EFCAB8: variants seen among roughly 807,000 people sequenced by gnomAD.
EFCAB8 encodes the protein EF-hand calcium-binding domain-containing protein 8.
A neutral mutation model predicts 116.3 loss-of-function variants in EFCAB8; 100 were observed. That is an observed-to-expected ratio of 0.86 (90% CI 0.73 to 1.02). EFCAB8 has a LOEUF of 1.02. Ranked by LOEUF, EFCAB8 falls within the 50% of genes least tolerant of loss-of-function variation. The probability of loss-of-function intolerance (pLI) is 0.00; values close to 1 mark genes in which losing one functional copy is unlikely to be tolerated. For synonymous variants in EFCAB8, 558 were observed against 567.9 expected (o/e 0.98, Z 0.25); for missense variants, 1,320 against 1,416.9 (o/e 0.93, Z 1.10).
intron 23 of EFCAB8, among the ~76,000 whole-genome samples, chr20:32,956,859 TTCTC>T: frequency 6.6e-6 from 1 of 152,084 alleles, no homozygotes; most frequent in East Asian, 1.9e-4. Flanking sequence ...TTCTGCATTA[TTCTC>T]TCTCTCCTCT....
At chr20:32,873,306 C>G (rs1984779965) in intron 3 of EFCAB8, among the ~76,000 whole-genome samples, 1 of 151,770 alleles carries the variant, frequency 6.6e-6, no homozygotes, top group Non-Finnish European at 1.5e-5. Flanking sequence ...GTCTCCATCT[C>G]TTGACCTCGT....
At chr20:32,859,747 A>AT (rs1403944623) in intron 1 of EFCAB8, among the ~76,000 whole-genome samples, 1 of 151,428 alleles carries the variant, frequency 6.6e-6, no homozygotes, top group Non-Finnish European at 1.5e-5. Flanking sequence ...TTACCCCTAA[A>AT]TACTTTTCAG....
At chr20:32,888,126 C>T (rs1260620408) in intron 6 of EFCAB8, among the ~76,000 whole-genome samples, 1 of 150,972 alleles carries the variant, frequency 6.6e-6, no homozygotes, top group African/African-American at 2.4e-5. Flanking sequence ...TGGAGTGGTG[C>T]AATCACGGCT....
rs1016120828 is a variant in EFCAB8 at position 32,959,908 on chromosome 20, T to A, written c.3220T>A (p.Ser1074Thr). ...CAAGCTGCAGAAGATGGCCCTGATGTCCCCGTGGGCCGGAGAGCGCCCCCT... is the reference window on the plus strand; with the variant it reads ...CAAGCTGCAGAAGATGGCCCTGATGACCCCGTGGGCCGGAGAGCGCCCCCT... ...WAKLQKMALMSPWAGERPLED... is the reference protein window; with the variant it reads ...WAKLQKMALMTPWAGERPLED... The change falls in exon 25 of 27, where the codon TCC becomes ACC. Residue 1074 changes from serine (S) to threonine (T), a missense_variant. By Grantham distance (58) the Ser-to-Thr change is moderately conservative. Transcript: ENST00000400522. The A allele has an allele frequency of 7.7e-6, 12 of 1,551,450 alleles. No individual in the cohort carries two copies. The highest frequency in any genetic ancestry group is 9.6e-6 in the Non-Finnish European group (11 of 1,146,950).
intron 14 of EFCAB8, among the ~76,000 whole-genome samples, chr20:32,909,238 C>T (rs1315049410): frequency 6.6e-6 from 1 of 152,216 alleles, no homozygotes; most frequent in African/African-American, 2.4e-5. Flanking sequence ...CCTTTATCTC[C>T]TTGCTGAGTG....
chr20:32,871,234 C>T (rs35765948), intron 3 of EFCAB8, among the ~76,000 whole-genome samples: 4,302 of 151,944 alleles, frequency 0.028, 94 homozygotes, highest in Non-Finnish European at 0.043. Context: ...CTATTGTCCA[C>T]ACTGTTCTAT....
At chr20:32,914,360 G>A (rs565622225) in intron 17 of EFCAB8, among the ~76,000 whole-genome samples, 6 of 152,322 alleles carry the variant, frequency 3.9e-5, no homozygotes, top group African/African-American at 1.4e-4. Context: ...TCTCTGAGTT[G>A]CCTTCAGGGT....
At chr20:32,947,749 A>G (rs778299426) in intron 23 of EFCAB8, among the ~76,000 whole-genome samples, 1 of 152,090 alleles carries the variant, frequency 6.6e-6, no homozygotes, top group Non-Finnish European at 1.5e-5. Flanking sequence ...TATTAGAAGG[A>G]AAAAAGTTCA....
chr20:32,863,803 A>G lies in EFCAB8; in HGVS notation c.11A>G (p.Glu4Gly). 1 of 1,551,334 alleles carries G rather than the reference A, an allele frequency of 6.4e-7. No homozygotes were observed. Among genetic ancestry groups the G allele is most frequent in the East Asian group, 2.4e-5 (1 of 40,886 alleles). ...TCTAGGTCAAGGCTAATGTCTTCTG[A>G]AGACTTAGCAGAGATCCCTCAACTC... Reference protein sequence around the residue: MSSEDLAEIPQLQK... With the variant: MSSGDLAEIPQLQK... The change falls in exon 2 of 27, where the codon GAA becomes GGA. Residue 4 changes from glutamate (E) to glycine (G), a missense_variant. Glu to Gly is a moderately conservative substitution (Grantham distance 98). Transcript: ENST00000400522.
Position 32,906,582 on chromosome 20 carries a change from G to C in EFCAB8, c.1109G>C (p.Arg370Thr). The C allele has an allele frequency of 1.4e-6, 1 of 718,504 alleles. No homozygotes were observed. The highest frequency in any genetic ancestry group is 2.6e-6 in the Non-Finnish European group (1 of 385,082). 44.5% of individuals were successfully genotyped at this position (718,504 alleles called of 1,614,324 possible). A position where few individuals can be genotyped will look rare whatever the true frequency, so the allele number is the denominator to read the frequency against. The change falls in exon 12 of 27, where the codon AGG becomes ACG. Residue 370 changes from arginine to threonine, a missense_variant. By Grantham distance (71) the Arg-to-Thr change is moderately conservative. Coordinates refer to ENST00000400522, the MANE Select transcript of EFCAB8 (RefSeq NM_001143967.2). ...TGTAGGTTGTCAGTGCTGCGTTTAA[G>C]GAAAGGGATTCTTTGCTTTGATTAC... Reference protein sequence around the residue: ...KKPRLSVLRLRKGILCFDYCP... With the variant: ...KKPRLSVLRLTKGILCFDYCP...
chr20:32,889,991 A>AGCCTCTC (rs1471668888), intron 7 of EFCAB8, among the ~76,000 whole-genome samples: 1 of 129,698 alleles, frequency 7.7e-6, no homozygotes, highest in Non-Finnish European at 1.7e-5. Flanking sequence ...ACAGAGAGAG[A>AGCCTCTC]CTCAGTCTTA....
chr20:32,924,421 A>G (rs1321870056), intron 20 of EFCAB8, among the ~76,000 whole-genome samples: 1 of 152,180 alleles, frequency 6.6e-6, no homozygotes, highest in African/African-American at 2.4e-5. Context: ...TACTATTATT[A>G]TTTATTTATG....
chr20:32,941,343 T>C (rs1988403566), intron 22 of EFCAB8, among the ~76,000 whole-genome samples: 1 of 149,222 alleles, frequency 6.7e-6, no homozygotes, highest in Non-Finnish European at 1.5e-5. Context: ...AAGTGTAGAC[T>C]TACCATATTA....
At chr20:32,942,219 T>G in intron 22 of EFCAB8, among the ~76,000 whole-genome samples, 1 of 152,296 alleles carries the variant, frequency 6.6e-6, no homozygotes, top group East Asian at 1.9e-4. Flanking sequence ...TTTGGTTGAT[T>G]TTTAGGTGCA....
intron 22 of EFCAB8, 89 bp from the exon 23 acceptor site, chr20:32,943,547 G>GGGCTCTGCA: frequency 2.4e-6 from 1 of 415,782 alleles, no homozygotes; most frequent in South Asian, 1.4e-4. Context: ...CCTTCCAACT[G>GGGCTCTGCA]GGCTCTGCTG....
intron 11 of EFCAB8, among the ~76,000 whole-genome samples, chr20:32,900,759 G>A (rs1986386892): frequency 6.6e-6 from 1 of 152,038 alleles, no homozygotes; most frequent in South Asian, 2.1e-4. Flanking sequence ...TAGTAGAGAC[G>A]GGGTTTCACC....
At chr20:32,911,852 G>A (rs1053999379) in intron 16 of EFCAB8, 145 bp downstream of exon 16, 5 of 760,542 alleles carry the variant, frequency 6.6e-6, no homozygotes, top group Non-Finnish European at 8.8e-6. Context: ...ACCTCCCTGA[G>A]CCTCTGTGTC....
chr20:32,960,072 G>A lies in EFCAB8; in HGVS notation c.3304G>A (p.Val1102Ile). 6.4e-7 allele frequency: 1 copy of A among 1,551,738 alleles called. No individual in the cohort carries two copies. The highest frequency in any genetic ancestry group is 8.7e-7 in the Non-Finnish European group (1 of 1,146,988). Residue 1102 changes from valine (V) to isoleucine (I), a missense_variant, in exon 26 of 27, where the codon GTC (valine) becomes ATC (isoleucine). Val to Ile is a conservative substitution (Grantham distance 29). Transcript: ENST00000400522. ...GGCGTGGCTCCTGCAGGTGAGCAAA[G>A]TCTTGGGAGCGGCGTATAAGCCCAA... Reference protein sequence around the residue: ...WESRDKQVSKVLGAAYKPKER... With the variant: ...WESRDKQVSKILGAAYKPKER...
At chr20:32,879,465 C>T (rs1345789723) in intron 5 of EFCAB8, among the ~76,000 whole-genome samples, 3 of 152,194 alleles carry the variant, frequency 2.0e-5, no homozygotes, top group East Asian at 1.9e-4. Flanking sequence ...TTTCCCTCTA[C>T]CCATCTGAGG....
Sources: allele counts gnomAD v4.1 joint callset (sites outside exome capture counted in the v4.1 genomes callset), GRCh38; gene constraint gnomAD v4.1.1; transcripts MANE v1.5; gene names NCBI Gene and HGNC (gene_info 2026-07-23, HGNC 2026-07-21).